SLC22A3: variants seen among roughly 807,000 people sequenced by gnomAD.
SLC22A3 encodes the protein solute carrier family 22 member 3.
SLC22A3 carries 51 observed loss-of-function variants against 59.1 expected under a neutral mutation model. That is an observed-to-expected ratio of 0.86 (90% CI 0.69 to 1.09). The LOEUF (loss-of-function observed/expected upper bound fraction) is 1.09. Ranked by LOEUF, SLC22A3 falls within the 50% of genes least tolerant of loss-of-function variation. SLC22A3 has a pLI of 0.00. For synonymous variants in SLC22A3, 325 were observed against 292.0 expected (o/e 1.11, Z -1.15); for missense variants, 711 against 726.3 (o/e 0.98, Z 0.24).
chr6:160,393,331 CACAACGTGCAGGTTTGTT>C (rs1490616297), intron 1 of SLC22A3, among the ~76,000 whole-genome samples: 1 of 151,530 alleles, frequency 6.6e-6, no homozygotes, highest in African/African-American at 2.4e-5. Context: ...GGTACATGTG[CACAACGTGCAGGTTTGTT>C]ACATATGTAT....
At chr6:160,425,187 G>C (rs1172041796) in intron 5 of SLC22A3, among the ~76,000 whole-genome samples, 1 of 152,062 alleles carries the variant, frequency 6.6e-6, no homozygotes, top group Non-Finnish European at 1.5e-5. Context: ...AATTTAAACA[G>C]GTTGAGTATT....
intron 1 of SLC22A3, among the ~76,000 whole-genome samples, chr6:160,375,839 A>G (rs1364842744): frequency 6.6e-6 from 1 of 152,132 alleles, no homozygotes; most frequent in East Asian, 1.9e-4. Context: ...CTCGGGGTTG[A>G]GAGGTATGGA....
intron 5 of SLC22A3, among the ~76,000 whole-genome samples, chr6:160,413,948 T>C (rs1044555281): frequency 1.1e-4 from 16 of 152,220 alleles, no homozygotes; most frequent in Middle Eastern, 6.3e-3. Context: ...CCCTTTTTCA[T>C]TTCATTCCAA....
intron 1 of SLC22A3, among the ~76,000 whole-genome samples, chr6:160,378,239 TA>T (rs1785668359): frequency 6.6e-6 from 1 of 152,198 alleles, no homozygotes; most frequent in South Asian, 2.1e-4. Context: ...TTTAGAAGTT[TA>T]AAAAAGATAC....
chr6:160,385,893 T>G (rs1272111031), intron 1 of SLC22A3, among the ~76,000 whole-genome samples: 1 of 152,220 alleles, frequency 6.6e-6, no homozygotes, highest in Non-Finnish European at 1.5e-5. Context: ...ATTGGTTGGG[T>G]CCTTTCAATT....
intron 1 of SLC22A3, among the ~76,000 whole-genome samples, chr6:160,396,200 G>T (rs1446261420): frequency 8.5e-5 from 13 of 152,156 alleles, no homozygotes; most frequent in Non-Finnish European, 1.5e-5. Context: ...CTGAGGCATT[G>T]ACTTGAAGTT....
At chr6:160,369,384 C>T (rs1057329510) in intron 1 of SLC22A3, among the ~76,000 whole-genome samples, 4 of 152,170 alleles carry the variant, frequency 2.6e-5, no homozygotes, top group African/African-American at 7.2e-5. Context: ...GAAACAATAT[C>T]GGAATTTGCT....
At chr6:160,363,299 T>C (rs1256240640) in intron 1 of SLC22A3, among the ~76,000 whole-genome samples, 1 of 152,210 alleles carries the variant, frequency 6.6e-6, no homozygotes, top group Non-Finnish European at 1.5e-5. Context: ...GCTTCTGTCG[T>C]GACCCCTTGT....
In SLC22A3 at chr6:160,394,422, G is replaced by C. The variant is rs567647448; in HGVS notation, c.430-3557G>C. 1.2e-4 allele frequency among the ~76,000 whole-genome samples: 19 copies of C among 152,296 alleles called. No homozygotes were observed. The South Asian group carries it at 2.7e-3, about 22-fold the overall frequency. ...AGGCCCAGAGCTGTTGCATCAGCAG[G>C]CAGGCAGCAAGCTGAGAGCTGATTA... On this transcript the variant is annotated intron_variant, in intron 1 of 10. Transcript: ENST00000275300.
At chr6:160,405,303 G>A (rs1335454673) in intron 2 of SLC22A3, among the ~76,000 whole-genome samples, 2 of 152,072 alleles carry the variant, frequency 1.3e-5, no homozygotes, top group Admixed American at 1.3e-4. Flanking sequence ...CATATGAAAT[G>A]ATGCTCTACG....
intron 1 of SLC22A3, among the ~76,000 whole-genome samples, chr6:160,355,352 C>G (rs1472393148): frequency 6.6e-6 from 1 of 152,194 alleles, no homozygotes; most frequent in Non-Finnish European, 1.5e-5. Flanking sequence ...AGAGGCTTTT[C>G]CCTCTCTTAG....
At chr6:160,363,880 G>T (rs941554799) in intron 1 of SLC22A3, among the ~76,000 whole-genome samples, 1 of 151,640 alleles carries the variant, frequency 6.6e-6, no homozygotes, top group African/African-American at 2.4e-5. Context: ...TGCATCTGGG[G>T]TTCTCCCAGG....
intron 10 of SLC22A3, among the ~76,000 whole-genome samples, chr6:160,450,625 T>A (rs1788917792): frequency 6.6e-6 from 1 of 152,270 alleles, no homozygotes; most frequent in African/African-American, 2.4e-5. Context: ...AACTGATAAA[T>A]GTCCATATTA....
At chr6:160,407,912 C>T (rs573727193) in intron 3 of SLC22A3, among the ~76,000 whole-genome samples, 2 of 152,284 alleles carry the variant, frequency 1.3e-5, no homozygotes, top group African/African-American at 4.8e-5. Context: ...CACTTCCACT[C>T]TCCTCTGTCA....
At chr6:160,397,552 G>A (rs1026734012) in intron 1 of SLC22A3, among the ~76,000 whole-genome samples, 17 of 152,014 alleles carry the variant, frequency 1.1e-4, no homozygotes, top group African/African-American at 2.7e-4. Flanking sequence ...TGGCCAACAT[G>A]GTGAAACCCC....
At chr6:160,349,617 T>C (rs1784596012) in intron 1 of SLC22A3, among the ~76,000 whole-genome samples, 3 of 152,186 alleles carry the variant, frequency 2.0e-5, no homozygotes, top group Admixed American at 2.0e-4. Flanking sequence ...GGGCAGTCAG[T>C]GCATTTGGAA....
chr6:160,424,738 G>A (rs895917052), intron 5 of SLC22A3, among the ~76,000 whole-genome samples: 2 of 152,194 alleles, frequency 1.3e-5, no homozygotes, highest in Non-Finnish European at 2.9e-5. Flanking sequence ...GCCTGTCTCT[G>A]AAAGATGAAT....
intron 2 of SLC22A3, among the ~76,000 whole-genome samples, chr6:160,399,040 T>A (rs557911426): frequency 1.3e-5 from 2 of 152,340 alleles, no homozygotes; most frequent in Non-Finnish European, 2.9e-5. Flanking sequence ...CCATATCCTG[T>A]AGCCAATTGA....
chr6:160,393,071 C>A (rs1345417859), intron 1 of SLC22A3, among the ~76,000 whole-genome samples: 2 of 151,902 alleles, frequency 1.3e-5, no homozygotes, highest in Non-Finnish European at 2.9e-5. Context: ...ACAATGCACA[C>A]CGCAAATGAG....
Sources: allele counts gnomAD v4.1 joint callset (sites outside exome capture counted in the v4.1 genomes callset), GRCh38; gene constraint gnomAD v4.1.1; transcripts MANE v1.5; gene names NCBI Gene and HGNC (gene_info 2026-07-23, HGNC 2026-07-21).